The following COP1 variants were observed in gnomAD, a reference collection of about 807,000 sequenced individuals.
COP1 encodes the protein COP1 E3 ubiquitin ligase.
Under a neutral mutation model 101.3 loss-of-function variants are expected in COP1, and 24 were observed. That is an observed-to-expected ratio of 0.24 (90% CI 0.17 to 0.33). The LOEUF is 0.33. Ranked by LOEUF, COP1 falls within the 10% of genes least tolerant of loss-of-function variation. The probability of loss-of-function intolerance (pLI) is 1.00; values close to 1 mark genes in which losing one functional copy is unlikely to be tolerated. For synonymous variants in COP1, 347 were observed against 341.9 expected (o/e 1.01, Z -0.17); for missense variants, 663 against 906.2 (o/e 0.73, Z 3.45).
intron 11 of COP1, among the ~76,000 whole-genome samples, chr1:176,070,022 A>G (rs1676681801): frequency 6.6e-6 from 1 of 152,164 alleles, no homozygotes; most frequent in Non-Finnish European, 1.5e-5. Flanking sequence ...CCAAATTCAC[A>G]GCCCTCACCT....
intron 11 of COP1, among the ~76,000 whole-genome samples, chr1:176,061,575 G>A (rs369656749): frequency 1.5e-4 from 23 of 152,232 alleles, no homozygotes; most frequent in African/African-American, 4.1e-4. Flanking sequence ...GCAGTCAGCC[G>A]TGATCACGCC....
At chr1:176,089,352 T>C (rs1010734167) in intron 9 of COP1, among the ~76,000 whole-genome samples, 1 of 151,856 alleles carries the variant, frequency 6.6e-6, no homozygotes, top group Non-Finnish European at 1.5e-5. Flanking sequence ...GATTATCAGA[T>C]TAAGAGGCAA....
At position 176,099,505 on chromosome 1, in the gene COP1, GTCTCTCTCTCTC is replaced by G. The variant is rs145354415; in HGVS notation, c.1027-13627_1027-13616del. On this transcript the variant is annotated intron_variant, in intron 9 of 19. Coordinates refer to ENST00000367669, the MANE Select transcript of COP1 (RefSeq NM_022457.7). The stretch of plus-strand genomic sequence containing the variant: ...TGTGAAAAAAATTTGGAGCATATTT[GTCTCTCTCTCTC>G]TCTCTCTCTCTCTCTCTCTCTCTCC... Among the ~76,000 whole-genome samples the G allele has an allele frequency of 9.7e-3, 1,394 of 143,894 alleles. 23 individuals carry two copies. The highest frequency in any genetic ancestry group is 0.034 in the African/African-American group (1,310 of 39,074). 94.4% of individuals were successfully genotyped at this position (143,894 alleles called of 152,430 possible). A position where few individuals can be genotyped will look rare whatever the true frequency, so the allele number is the denominator to read the frequency against.
rs1383097379 is a variant in COP1 at position 176,136,555 on chromosome 1, TTAAA to T, written c.832-12_832-9del. ...CTGGATCTGTTCCAGTTGCTGCAGA[TTAAA>T]TAGAGAGAGAAAGACAAAAAAAAAA... On this transcript the variant is annotated splice_polypyrimidine_tract_variant and intron_variant, in intron 6 of 19. Coordinates refer to ENST00000367669, the MANE Select transcript of COP1 (RefSeq NM_022457.7). The T allele has an allele frequency of 6.3e-7, 1 of 1,575,154 alleles. No homozygotes were observed. Among genetic ancestry groups the T allele is most frequent in the Non-Finnish European group, 8.6e-7 (1 of 1,160,524 alleles).
intron 15 of COP1, among the ~76,000 whole-genome samples, chr1:175,995,712 C>G (rs1172429543): frequency 6.6e-6 from 1 of 152,332 alleles, no homozygotes; most frequent in African/African-American, 2.4e-5. Flanking sequence ...AATTGAATCT[C>G]TGAATAGACC....
chr1:176,034,401 C>T (rs1669135596), intron 14 of COP1, among the ~76,000 whole-genome samples: 2 of 152,160 alleles, frequency 1.3e-5, no homozygotes, highest in Non-Finnish European at 2.9e-5. Flanking sequence ...CAGAGTAAAA[C>T]TCTGTGTATA....
At chr1:176,159,544 A>G (rs1376289755) in intron 5 of COP1, among the ~76,000 whole-genome samples, 1 of 152,194 alleles carries the variant, frequency 6.6e-6, no homozygotes, top group Admixed American at 6.5e-5. Flanking sequence ...TGCTGACACA[A>G]CTAAGAATTG....
rs1649876358 is a variant in COP1, at chr1:175,951,423, A to C, written c.2134-4184T>G. Among the ~76,000 whole-genome samples the C allele has an allele frequency of 3.1e-5, 3 of 97,562 alleles. No individual in the cohort carries two copies. The Admixed American group carries it at 3.1e-4, about 10-fold the overall frequency. The allele number at this position is 97,562 out of a possible 152,430, so 64.0% of individuals were successfully genotyped here. On this transcript the variant is annotated intron_variant, in intron 18 of 19. Coordinates refer to ENST00000367669, the MANE Select transcript of COP1 (RefSeq NM_022457.7). ...GTATAAGTATATACAATGTATTTAA[A>C]TATAAGATACGTGAATATATATATA...
At chr1:176,008,583 T>C (rs1172842815) in intron 15 of COP1, among the ~76,000 whole-genome samples, 1 of 152,240 alleles carries the variant, frequency 6.6e-6, no homozygotes. Flanking sequence ...TACAAATATA[T>C]AAGCCCTATA....
intron 5 of COP1, among the ~76,000 whole-genome samples, chr1:176,161,285 T>C (rs977400425): frequency 1.3e-5 from 2 of 152,286 alleles, no homozygotes; most frequent in South Asian, 2.1e-4. Flanking sequence ...GTATGTTCAA[T>C]CTCTCATAAA....
chr1:176,154,222 G>C lies in COP1; in HGVS notation c.763-5148C>G, dbSNP rs548032700. 5.9e-5 allele frequency among the ~76,000 whole-genome samples: 9 copies of C among 152,178 alleles called. No homozygotes were observed. In the South Asian group the frequency reaches 1.9e-3, roughly 32 times the overall value. ...TACTTATTACTGATTTAATTTTGGA[G>C]CTCTTTATTGGTCTGTTCAGGGATT... On this transcript the variant is annotated intron_variant, in intron 5 of 19. Coordinates refer to ENST00000367669, the MANE Select transcript of COP1 (RefSeq NM_022457.7).
At chr1:176,043,632 T>A (rs2149185783) in intron 13 of COP1, 78 bp downstream of exon 13, 3 of 824,344 alleles carry the variant, frequency 3.6e-6, no homozygotes, top group South Asian at 3.0e-5. Flanking sequence ...TCTGTAATTA[T>A]AAGGCACATG....
chr1:176,189,131 G>T (rs745731481), intron 1 of COP1, among the ~76,000 whole-genome samples: 3 of 152,096 alleles, frequency 2.0e-5, no homozygotes, highest in Non-Finnish European at 4.4e-5. Flanking sequence ...CTTAAAGGCA[G>T]CCCTAGAAAG....
chr1:176,064,215 A>G (rs188621832), intron 11 of COP1, among the ~76,000 whole-genome samples: 73 of 152,294 alleles, frequency 4.8e-4, no homozygotes, highest in Non-Finnish European at 1.2e-4. Context: ...AACAAACCCA[A>G]TGTAAAGTTT....
At chr1:175,968,761 C>G (rs4347169) in intron 18 of COP1, among the ~76,000 whole-genome samples, 139,585 of 152,278 alleles carry the variant, frequency 0.92, 64,909 homozygotes, top group East Asian at 1. Flanking sequence ...AGATACAAAA[C>G]AACACATACA....
intron 15 of COP1, among the ~76,000 whole-genome samples, chr1:176,019,505 T>TAAC (rs1553223371): frequency 1.6e-3 from 208 of 133,158 alleles, no homozygotes; most frequent in African/African-American, 4.3e-3. Flanking sequence ...ATAATAATAA[T>TAAC]AACCATCATC....
intron 9 of COP1, among the ~76,000 whole-genome samples, chr1:176,095,081 C>T (rs1047406858): frequency 3.3e-5 from 5 of 152,134 alleles, no homozygotes; most frequent in African/African-American, 7.2e-5. Context: ...TTCCAATCTA[C>T]AAATACTTTT....
At chr1:176,029,061 C>T (rs1399325807) in intron 14 of COP1, among the ~76,000 whole-genome samples, 2 of 151,862 alleles carry the variant, frequency 1.3e-5, no homozygotes, top group African/African-American at 2.4e-5. Flanking sequence ...GCCAATTATT[C>T]GTTAAATGTG....
At chr1:176,202,088 T>G (rs536424918) in intron 1 of COP1, among the ~76,000 whole-genome samples, 1 of 152,260 alleles carries the variant, frequency 6.6e-6, no homozygotes, top group Admixed American at 6.5e-5. Flanking sequence ...AAAAAAAATT[T>G]TACCAGTGTA....
Sources: gnomAD v4.1 joint callset for allele counts (sites outside exome capture counted in the v4.1 genomes callset) on GRCh38, gnomAD v4.1.1 for gene constraint, MANE v1.5 for transcripts, NCBI Gene and HGNC (gene_info 2026-07-23, HGNC 2026-07-21) for gene names.